Variants in POFUT1 observed in about 807,000 individuals in gnomAD.
POFUT1 encodes GDP-fucose protein O-fucosyltransferase 1.
Under a neutral mutation model 42.4 loss-of-function variants are expected in POFUT1, and 16 were observed. That is an observed-to-expected ratio of 0.38 (90% CI 0.26 to 0.57). The LOEUF is 0.57. POFUT1 is among the 20% of genes least tolerant of loss of function. The pLI, the probability that POFUT1 is intolerant of heterozygous loss-of-function variation, is 0.71. For missense variants in POFUT1, 470 were observed against 504.6 expected, an observed-to-expected ratio of 0.93 and a Z score of 0.66; for synonymous variants, 206 against 205.4, an observed-to-expected ratio of 1.00 and a Z score of -0.03.
intron 2 of POFUT1, among the ~76,000 whole-genome samples, chr20:32,214,727 C>CT (rs1326452352): frequency 2.0e-5 from 3 of 152,078 alleles, no homozygotes; most frequent in Non-Finnish European, 4.4e-5. Flanking sequence ...CATTATTTGT[C>CT]TTTTTTTGTT....
In POFUT1 at chr20:32,238,209, A is replaced by G. The variant is rs982563231; in HGVS notation, c.*3548A>G. Reference sequence around the variant, plus strand: ...GGAGTTCAAGACCAGCCTGGCCAACATGGTGAATTATCTCTACTAAAAATA... The same window carrying G: ...GGAGTTCAAGACCAGCCTGGCCAACGTGGTGAATTATCTCTACTAAAAATA... On this transcript the variant is annotated 3_prime_UTR_variant, in exon 7 of 7. Coordinates refer to ENST00000375749, the MANE Select transcript of POFUT1 (RefSeq NM_015352.2). 3 of 173,746 alleles carry G rather than the reference A, an allele frequency of 1.7e-5. No individual in the cohort carries two copies. Among genetic ancestry groups the G allele is most frequent in the African/African-American group, 7.1e-5 (3 of 42,126 alleles). The allele number at this position is 173,746 out of a possible 1,614,324, so 10.8% of individuals were successfully genotyped here. A position where few individuals can be genotyped will look rare whatever the true frequency, so the allele number is the denominator to read the frequency against.
chr20:32,217,331 C>T, intron 4 of POFUT1: 6 of 1,242,856 alleles, frequency 4.8e-6, no homozygotes, highest in Non-Finnish European at 6.1e-6. Flanking sequence ...GCATAGTGTA[C>T]TTGTCCTTAA....
rs2047462103 is a variant in POFUT1, at chr20:32,234,893, G to T, written c.*232G>T. ...GCATCTCCCATCGCACGTGCTTTCT[G>T]CTCTTCTGGGAATTTCTCACACTGG... On this transcript the variant is annotated 3_prime_UTR_variant, in exon 7 of 7. Transcript: ENST00000375749. 4.6e-6 allele frequency: 2 copies of T among 438,684 alleles called. No individual in the cohort carries two copies. The highest frequency in any genetic ancestry group is 8.1e-6 in the Non-Finnish European group (2 of 246,774). 27.2% of individuals were successfully genotyped at this position (438,684 alleles called of 1,614,324 possible). A position where few individuals can be genotyped will look rare whatever the true frequency, so the allele number is the denominator to read the frequency against.
At position 32,230,927 on chromosome 20, in the gene POFUT1, A is replaced by G. The variant is rs779519269; in HGVS notation, c.844A>G (p.Met282Val). Reference sequence around the variant, plus strand: ...CACAGCGGCCCCCCTCACGATGACTATGTGCCTGCCTGACCTGAAGGAGAT... The same window carrying G: ...CACAGCGGCCCCCCTCACGATGACTGTGTGCCTGCCTGACCTGAAGGAGAT... ...RSTAAPLTMT[M>V]CLPDLKEIQR... is the part of the protein sequence containing the mutation. Residue 282 changes from methionine to valine, a missense_variant, in exon 6 of 7, where the codon ATG (methionine) becomes GTG (valine). Coordinates refer to ENST00000375749, the MANE Select transcript of POFUT1 (RefSeq NM_015352.2). 5 of 1,614,010 alleles carry G rather than the reference A, an allele frequency of 3.1e-6. No individual in the cohort carries two copies. The highest frequency in any genetic ancestry group is 1.1e-5 in the South Asian group (1 of 91,082).
At chr20:32,216,844 C>A in intron 4 of POFUT1, 123 bp downstream of exon 4, 1 of 1,417,422 alleles carries the variant, frequency 7.1e-7, no homozygotes, top group Non-Finnish European at 9.7e-7. Context: ...GGTGCAGGTG[C>A]TCTGTCTGTT....
intron 4 of POFUT1, 145 bp downstream of exon 4, chr20:32,216,866 C>A: frequency 6.8e-7 from 1 of 1,478,462 alleles, no homozygotes; most frequent in South Asian, 1.3e-5. Flanking sequence ...AACTTGGAAT[C>A]CTGTGTGATC....
chr20:32,237,312 A>G lies in POFUT1; in HGVS notation c.*2651A>G, dbSNP rs993574813. On this transcript the variant is annotated 3_prime_UTR_variant, in exon 7 of 7. Coordinates refer to ENST00000375749, the MANE Select transcript of POFUT1 (RefSeq NM_015352.2). ...GAATTTGCATTCTAGAAAGTAGAAG[A>G]TGTAATAAATGTACTGTGGGACATG... The G allele has an allele frequency of 3.8e-5, 6 of 156,784 alleles. No individual in the cohort carries two copies. Among genetic ancestry groups the G allele is most frequent in the African/African-American group, 1.4e-4 (6 of 41,534 alleles). The allele number at this position is 156,784 out of a possible 1,614,324, so 9.7% of individuals were successfully genotyped here.
At chr20:32,219,628 C>T (rs2047380742) in intron 4 of POFUT1, among the ~76,000 whole-genome samples, 1 of 151,350 alleles carries the variant, frequency 6.6e-6, no homozygotes, top group Admixed American at 6.6e-5. Context: ...TCCCAAGTAG[C>T]TGGGACTACA....
intron 3 of POFUT1, among the ~76,000 whole-genome samples, 168 bp downstream of exon 3, chr20:32,215,619 G>C (rs1460019516): frequency 1.3e-5 from 2 of 152,186 alleles, no homozygotes; most frequent in Non-Finnish European, 1.5e-5. Context: ...ATCACCTTGG[G>C]CAGAAGACTT....
Position 32,207,885 on chromosome 20 carries a change from C to T in POFUT1, c.-57C>T. The T allele has an allele frequency of 4.9e-6, 7 of 1,417,452 alleles. No individual in the cohort carries two copies. Among genetic ancestry groups the T allele is most frequent in the South Asian group, 4.3e-5 (3 of 69,110 alleles). 87.8% of individuals were successfully genotyped at this position (1,417,452 alleles called of 1,614,324 possible). On this transcript the variant is annotated 5_prime_UTR_variant, in exon 1 of 7. Coordinates refer to ENST00000375749, the MANE Select transcript of POFUT1 (RefSeq NM_015352.2). ...CCGCTGGGAGCGGGGCGGGCGCTCGCGTCCCTCCTTCCCTCCCCGACTGTG... is the reference window on the plus strand; with the variant it reads ...CCGCTGGGAGCGGGGCGGGCGCTCGTGTCCCTCCTTCCCTCCCCGACTGTG...
At chr20:32,234,395 G>T (rs1342290097) in intron 6 of POFUT1, 78 bp from the exon 7 acceptor site, 12 of 1,296,186 alleles carry the variant, frequency 9.3e-6, no homozygotes, top group Non-Finnish European at 1.3e-5. Flanking sequence ...GCAGCTCAGG[G>T]AATAAGGTTG....
chr20:32,217,623 ACAAGCACAGGC>A, intron 4 of POFUT1: 1 of 985,878 alleles, frequency 1.0e-6, no homozygotes, highest in Non-Finnish European at 1.2e-6. Context: ...GCAAAACAAA[ACAAGCACAGGC>A]CAAGGAGTGA....
chr20:32,227,702 G>A (rs2047421785), intron 4 of POFUT1, among the ~76,000 whole-genome samples: 1 of 152,200 alleles, frequency 6.6e-6, no homozygotes, highest in Non-Finnish European at 1.5e-5. Flanking sequence ...AGGGGCACCT[G>A]CAGACCCCTG....
At chr20:32,214,027 G>A (rs73235301) in intron 2 of POFUT1, among the ~76,000 whole-genome samples, 8,044 of 151,926 alleles carry the variant, frequency 0.053, 778 homozygotes, top group African/African-American at 0.18. Context: ...TACTTTCATT[G>A]TGGCACTGAG....
intron 3 of POFUT1, 99 bp from the exon 4 acceptor site, chr20:32,216,510 G>A: frequency 1.4e-6 from 1 of 732,082 alleles, no homozygotes; most frequent in Non-Finnish European, 2.5e-6. Flanking sequence ...TTTGGCCTGA[G>A]TCACATCACC....
At chr20:32,217,864 T>TCCAC in intron 4 of POFUT1, 14 of 366,896 alleles carry the variant, frequency 3.8e-5, no homozygotes, top group Non-Finnish European at 4.9e-5. Flanking sequence ...CATTGAGCTG[T>TCCAC]TGAGTGGACA....
intron 4 of POFUT1, chr20:32,217,262 A>G: frequency 7.2e-7 from 1 of 1,383,636 alleles, no homozygotes; most frequent in Non-Finnish European, 9.3e-7. Flanking sequence ...TGATGTGTGA[A>G]AATGAGGATG....
chr20:32,217,061 A>G, intron 4 of POFUT1: 1 of 1,613,942 alleles, frequency 6.2e-7, no homozygotes, highest in South Asian at 1.1e-5. Context: ...AACTGGAAGC[A>G]GCTTCTAGAG....
chr20:32,220,107 G>A (rs1268242697), intron 4 of POFUT1, among the ~76,000 whole-genome samples: 4 of 152,174 alleles, frequency 2.6e-5, no homozygotes, highest in African/African-American at 9.7e-5. Flanking sequence ...CATATTTCAT[G>A]TGGCAAGATT....
Sources: gnomAD v4.1 joint callset for allele counts (sites outside exome capture counted in the v4.1 genomes callset) on GRCh38, gnomAD v4.1.1 for gene constraint, MANE v1.5 for transcripts, NCBI Gene and HGNC (gene_info 2026-07-23, HGNC 2026-07-21) for gene names.